Variants in ASIC2 observed in about 807,000 individuals in gnomAD.
ASIC2 encodes the protein acid-sensing ion channel 2.
In ASIC2, 25 loss-of-function variants were observed where a neutral mutation model predicts 57.3. That is an observed-to-expected ratio of 0.44 (90% CI 0.32 to 0.61). ASIC2 has a LOEUF of 0.61. ASIC2 is among the 20% of genes least tolerant of loss of function. The pLI, the probability that ASIC2 is intolerant of heterozygous loss-of-function variation, is 0.06. For synonymous variants in ASIC2, 319 were observed against 307.5 expected, an observed-to-expected ratio of 1.04 and a Z score of -0.39; for missense variants, 641 against 738.1, an observed-to-expected ratio of 0.87 and a Z score of 1.52.
chr17:33,154,860 T>G (rs865936468), intron 1 of ASIC2, among the ~76,000 whole-genome samples: 25 of 152,348 alleles, frequency 1.6e-4, no homozygotes, highest in South Asian at 4.1e-4. Context: ...AAATAAATCC[T>G]TTTTAATTTC....
At chr17:33,028,948 C>A (rs775048600) in intron 3 of ASIC2, among the ~76,000 whole-genome samples, 3 of 152,170 alleles carry the variant, frequency 2.0e-5, no homozygotes, top group Admixed American at 1.3e-4. Flanking sequence ...CTTTCCAAGT[C>A]ATGCTGTAGA....
At position 33,238,082 on chromosome 17, in the gene ASIC2, A is replaced by T. The variant is rs1908364275; in HGVS notation, c.708+53326T>A. 1.3e-5 allele frequency among the ~76,000 whole-genome samples: 2 copies of T among 152,208 alleles called. 1 individual carries two copies. The highest frequency in any genetic ancestry group is 4.8e-5 in the African/African-American group (2 of 41,434). On this transcript the variant is annotated intron_variant, in intron 1 of 9. Transcript: ENST00000225823. ...CTAGAGCCACTCAGCAATGTAATAA[A>T]GGCGGCTGTTGTTTTCATGGTCACA...
chr17:33,467,199 C>G (rs1195735096), intron 1 of ASIC2, among the ~76,000 whole-genome samples: 1 of 152,180 alleles, frequency 6.6e-6, no homozygotes, highest in East Asian at 1.9e-4. Flanking sequence ...CCTCTGCCTC[C>G]CAAAGTGTTG....
chr17:34,027,853 A>G (rs1907436461), intron 1 of ASIC2, among the ~76,000 whole-genome samples: 1 of 152,176 alleles, frequency 6.6e-6, no homozygotes, highest in African/African-American at 2.4e-5. Context: ...GCAGGCTCAC[A>G]GTAGGTTTTT....
At chr17:33,900,714 A>G (rs1915214360) in intron 1 of ASIC2, among the ~76,000 whole-genome samples, 1 of 152,218 alleles carries the variant, frequency 6.6e-6, no homozygotes, top group African/African-American at 2.4e-5. Context: ...ATTGAGGTGT[A>G]AACAGACCAT....
chr17:33,491,250 A>C (rs1227077622), intron 1 of ASIC2, among the ~76,000 whole-genome samples: 1 of 152,190 alleles, frequency 6.6e-6, no homozygotes, highest in African/African-American at 2.4e-5. Flanking sequence ...CAGAACACAC[A>C]CACAGACAAT....
chr17:33,555,868 CA>C (rs1915892903), intron 1 of ASIC2, among the ~76,000 whole-genome samples: 1 of 152,064 alleles, frequency 6.6e-6, no homozygotes, highest in Admixed American at 6.6e-5. Flanking sequence ...TGAGTTCTAC[CA>C]AATTGAACTT....
At chr17:33,799,501 T>C (rs138770789) in intron 1 of ASIC2, among the ~76,000 whole-genome samples, 1 of 136,480 alleles carries the variant, frequency 7.3e-6, no homozygotes, top group Non-Finnish European at 1.6e-5. Flanking sequence ...TTTCTTACTT[T>C]CTTTCTTTCT....
At chr17:33,137,993 G>A (rs948774228) in intron 1 of ASIC2, among the ~76,000 whole-genome samples, 3 of 152,150 alleles carry the variant, frequency 2.0e-5, no homozygotes, top group Non-Finnish European at 4.4e-5. Flanking sequence ...TGGATTTCCG[G>A]TGACCTTTAA....
intron 1 of ASIC2, among the ~76,000 whole-genome samples, chr17:33,260,781 T>G (rs1268296188): frequency 6.6e-6 from 1 of 152,128 alleles, no homozygotes; most frequent in Non-Finnish European, 1.5e-5. Flanking sequence ...GGTGACCTTC[T>G]CACCACCACC....
Position 33,013,980 on chromosome 17 carries a change from C to T in ASIC2, c.1677G>A (p.Glu559=), listed in dbSNP as rs147387199. 3.3e-5 allele frequency: 52 copies of T among 1,595,770 alleles called. No individual in the cohort carries two copies. The highest frequency in any genetic ancestry group is 4.1e-5 in the Non-Finnish European group (48 of 1,170,726). ...VPLQTTLGTL[E]EIAC is the part of the protein sequence containing the mutation. ...TCGAGGGGTGTCAGCAGGCAATCTC[C>T]TCCAAGGTCCCCAGGGTCGTCTGCA... The change falls in exon 10 of 10, where the codon GAG becomes GAA. Residue 559 remains glutamate (E), a synonymous_variant. Coordinates refer to ENST00000225823, the MANE Select transcript of ASIC2 (RefSeq NM_183377.2).
At chr17:33,647,805 C>T (rs75594768) in intron 1 of ASIC2, among the ~76,000 whole-genome samples, 15,384 of 152,244 alleles carry the variant, frequency 0.1, 883 homozygotes, top group African/African-American at 0.17. Context: ...GGGTGCATGG[C>T]TGGCTGCTGA....
intron 1 of ASIC2, among the ~76,000 whole-genome samples, chr17:33,241,544 A>C (rs1384028580): frequency 2.6e-5 from 4 of 152,234 alleles, no homozygotes; most frequent in Non-Finnish European, 5.9e-5. Flanking sequence ...ACCATGCCTC[A>C]TAGAGACCTT....
intron 1 of ASIC2, among the ~76,000 whole-genome samples, chr17:33,398,437 G>A (rs1342862622): frequency 3.5e-4 from 53 of 152,224 alleles, no homozygotes; most frequent in Non-Finnish European, 1.5e-5. Flanking sequence ...AACCAAGACA[G>A]CATTGGGCCT....
chr17:33,365,181 T>A (rs1301236954), intron 1 of ASIC2, among the ~76,000 whole-genome samples: 1 of 152,154 alleles, frequency 6.6e-6, no homozygotes, highest in Admixed American at 6.5e-5. Context: ...CCTCACCCCC[T>A]TTTTGCTCCA....
At chr17:33,160,936 C>T (rs914470722) in intron 1 of ASIC2, among the ~76,000 whole-genome samples, 2 of 152,196 alleles carry the variant, frequency 1.3e-5, no homozygotes, top group Admixed American at 6.5e-5. Context: ...TCCTTTGAAA[C>T]TGAAGCTAGT....
chr17:33,512,510 G>T (rs1171794860), intron 1 of ASIC2, among the ~76,000 whole-genome samples: 3 of 152,190 alleles, frequency 2.0e-5, no homozygotes, highest in Admixed American at 2.0e-4. Flanking sequence ...CAGAGTTATA[G>T]TGTGAAGAGA....
At chr17:33,852,995 G>T (rs1038794) in intron 1 of ASIC2, among the ~76,000 whole-genome samples, 1 of 151,824 alleles carries the variant, frequency 6.6e-6, no homozygotes, top group South Asian at 2.1e-4. Flanking sequence ...TTTCCCCCCC[G>T]TCATAGACAG....
intron 1 of ASIC2, chr17:33,533,318 CGAAA>C (rs66650985): frequency 0.55 from 82,518 of 150,304 alleles, 23,960 homozygotes; most frequent in Non-Finnish European, 0.66. Context: ...AAAGAAAGAG[CGAAA>C]GAAAGAAAGA....
Sources: allele counts gnomAD v4.1 joint callset (sites outside exome capture counted in the v4.1 genomes callset), GRCh38; gene constraint gnomAD v4.1.1; transcripts MANE v1.5; gene names NCBI Gene and HGNC (gene_info 2026-07-23, HGNC 2026-07-21).